The following LIN54 variants were observed in gnomAD, a reference collection of about 807,000 sequenced individuals.
LIN54 encodes lin-54 DREAM MuvB core complex component, also known as protein lin-54 homolog.
In LIN54, 9 loss-of-function variants were observed where a neutral mutation model predicts 78.7. The observed-to-expected ratio is 0.11, with a 90% CI of 0.07 to 0.20. The LOEUF is 0.20. Ranked by LOEUF, LIN54 falls within the 10% of genes least tolerant of loss-of-function variation. LIN54 has a pLI of 1.00. For missense variants in LIN54, 573 were observed against 889.9 expected (o/e 0.64, Z 4.53); for synonymous variants, 269 against 318.4 (o/e 0.84, Z 1.65).
chr4:82,932,887 TTAATG>T (rs971123686), intron 11 of LIN54, among the ~76,000 whole-genome samples: 4 of 152,140 alleles, frequency 2.6e-5, no homozygotes, highest in African/African-American at 9.7e-5. Context: ...TCACTGTTCT[TTAATG>T]TATATTTCCC....
chr4:82,965,190 G>C (rs1449637111), intron 4 of LIN54, among the ~76,000 whole-genome samples: 1 of 152,038 alleles, frequency 6.6e-6, no homozygotes, highest in East Asian at 1.9e-4. Context: ...ATCTAATCAA[G>C]AATAAAGTAA....
At chr4:82,947,356 C>T (rs979122388) in intron 4 of LIN54, among the ~76,000 whole-genome samples, 1 of 149,156 alleles carries the variant, frequency 6.7e-6, no homozygotes, top group African/African-American at 2.5e-5. Flanking sequence ...CCTCAGCCTC[C>T]TGAGCACGTA....
In LIN54 at chr4:82,927,429, C is replaced by G. The variant is rs1036949705; in HGVS notation, c.*673G>C. The G allele has an allele frequency of 2.0e-5, 3 of 152,138 alleles. No homozygotes were observed. Among genetic ancestry groups the G allele is most frequent in the African/African-American group, 7.2e-5 (3 of 41,426 alleles). 9.4% of individuals were successfully genotyped at this position (152,138 alleles called of 1,614,324 possible). A position where few individuals can be genotyped will look rare whatever the true frequency, so the allele number is the denominator to read the frequency against. On this transcript the variant is annotated 3_prime_UTR_variant, in exon 13 of 13. Coordinates refer to ENST00000340417, the MANE Select transcript of LIN54 (RefSeq NM_194282.4). ...GGAGACAGCCCAGAGCATCTGTTAG[C>G]CTTTCCTTATTATAGAAACACATTG...
In LIN54 at chr4:82,946,305, T is replaced by A. The variant is rs774024132; in HGVS notation, c.1121A>T (p.Gln374Leu). The A allele has an allele frequency of 9.3e-6, 15 of 1,614,100 alleles. No individual in the cohort carries two copies. Among genetic ancestry groups the A allele is most frequent in the Non-Finnish European group, 1.3e-5 (15 of 1,180,030 alleles). The change falls in exon 5 of 13, where the codon CAG becomes CTG. Residue 374 changes from glutamine (Q) to leucine (L), a missense_variant. Transcript: ENST00000340417. ...TGTACTGGGATTCTGACTAACTGGC[T>A]GGGTTGAGCTACTGGCTGATGTGGC... ...VTATSASSST[Q>L]PVSQNPSTNT... is the part of the protein sequence containing the mutation.
chr4:82,966,219 T>A (rs1019873661), intron 4 of LIN54, among the ~76,000 whole-genome samples: 2 of 152,184 alleles, frequency 1.3e-5, no homozygotes, highest in Non-Finnish European at 2.9e-5. Flanking sequence ...CTCGTCTAGA[T>A]AATCTGTGGG....
At chr4:82,935,329 C>T (rs967785855) in intron 11 of LIN54, among the ~76,000 whole-genome samples, 5 of 150,746 alleles carry the variant, frequency 3.3e-5, no homozygotes, top group African/African-American at 1.2e-4. Context: ...TGCTCTGTTG[C>T]CCAAGCTGGA....
At chr4:83,010,942 G>C (rs1729821680), upstream of LIN54, 1 of 794,870 alleles carries the variant, frequency 1.3e-6, no homozygotes, top group South Asian at 6.4e-5. Context: ...GGCCGTGCAA[G>C]TGCACACGGG....
At chr4:82,979,120 G>A in intron 2 of LIN54, 114 bp from the exon 3 acceptor site, 2 of 625,426 alleles carry the variant, frequency 3.2e-6, no homozygotes, top group East Asian at 2.7e-5. Context: ...TCACTTAACA[G>A]AATATATCTG....
At chr4:83,006,321 C>A (rs953788480) in intron 1 of LIN54, among the ~76,000 whole-genome samples, 3 of 151,924 alleles carry the variant, frequency 2.0e-5, no homozygotes, top group African/African-American at 7.3e-5. Flanking sequence ...TGCTGGCATG[C>A]GCCTGTAGTC....
chr4:83,000,769 G>A (rs1728685866), intron 1 of LIN54, among the ~76,000 whole-genome samples: 1 of 149,662 alleles, frequency 6.7e-6, no homozygotes, highest in African/African-American at 2.5e-5. Context: ...CACCACTGAA[G>A]ATGCCATCAT....
At chr4:82,945,311 A>G (rs1365715555) in intron 5 of LIN54, among the ~76,000 whole-genome samples, 2 of 152,164 alleles carry the variant, frequency 1.3e-5, no homozygotes, top group Non-Finnish European at 2.9e-5. Context: ...TAAACTATAA[A>G]CTATCCCGAT....
chr4:82,992,842 C>T (rs1727848822), intron 1 of LIN54, among the ~76,000 whole-genome samples: 1 of 151,960 alleles, frequency 6.6e-6, no homozygotes, highest in African/African-American at 2.4e-5. Flanking sequence ...TCCTGGTTAA[C>T]ACGGTGAAAC....
intron 3 of LIN54, among the ~76,000 whole-genome samples, chr4:82,975,684 C>T (rs1726106200): frequency 6.6e-6 from 1 of 151,426 alleles, no homozygotes. Context: ...TGCACTCCAG[C>T]CTGGGCAAAA....
intron 2 of LIN54, 132 bp downstream of exon 2, chr4:82,984,029 C>A (rs1187626017): frequency 3.0e-6 from 2 of 665,916 alleles, no homozygotes; most frequent in Non-Finnish European, 5.0e-6. Flanking sequence ...CACACACACA[C>A]AATTACATAA....
chr4:82,987,160 G>A (rs1262695672), intron 1 of LIN54, among the ~76,000 whole-genome samples: 1 of 152,116 alleles, frequency 6.6e-6, no homozygotes, highest in Non-Finnish European at 1.5e-5. Context: ...GCGTGGTGGT[G>A]GGTGCTTGTA....
rs1202028953 is a variant in LIN54 at position 82,984,871 on chromosome 4, C to G, written c.-27G>C. On this transcript the variant is annotated 5_prime_UTR_variant, in exon 2 of 13. Coordinates refer to ENST00000340417, the MANE Select transcript of LIN54 (RefSeq NM_194282.4). ...ATCGTTCTCCCGCTAGAAAGTTGAT[C>G]AGGCACTGTAATAAAAGTTGAAAAA... is the stretch of plus-strand genomic sequence containing the variant. The G allele has an allele frequency of 6.4e-7, 1 of 1,572,492 alleles. No homozygotes were observed. Among genetic ancestry groups the G allele is most frequent in the African/African-American group, 1.4e-5 (1 of 73,844 alleles).
intron 4 of LIN54, among the ~76,000 whole-genome samples, chr4:82,948,221 A>C (rs1158368917): frequency 6.6e-6 from 1 of 152,232 alleles, no homozygotes; most frequent in Non-Finnish European, 1.5e-5. Context: ...CACTAAGTAC[A>C]TTAGGAAACA....
chr4:82,951,110 A>C (rs4693530), intron 4 of LIN54, among the ~76,000 whole-genome samples: 64,379 of 152,052 alleles, frequency 0.42, 16,738 homozygotes, highest in Admixed American at 0.58. Context: ...GTAGGTTATT[A>C]AAATAAATAA....
intron 4 of LIN54, among the ~76,000 whole-genome samples, chr4:82,955,785 C>G (rs11735524): frequency 0.98 from 148,477 of 151,550 alleles, 72,811 homozygotes; most frequent in East Asian, 1. Flanking sequence ...AAAGACTGTG[C>G]GTAAGTTTTT....
Sources: gnomAD v4.1 joint callset for allele counts (sites outside exome capture counted in the v4.1 genomes callset) on GRCh38, gnomAD v4.1.1 for gene constraint, MANE v1.5 for transcripts, NCBI Gene and HGNC (gene_info 2026-07-23, HGNC 2026-07-21) for gene names.